DNAI3: variants seen among roughly 807,000 people sequenced by gnomAD.
DNAI3 encodes dynein axonemal intermediate chain 3.
A neutral mutation model predicts 115.5 loss-of-function variants in DNAI3; 83 were observed. That is an observed-to-expected ratio of 0.72 (90% confidence interval 0.60 to 0.86). The LOEUF is 0.86. Ranked by LOEUF, DNAI3 falls within the 40% of genes least tolerant of loss-of-function variation. The probability of loss-of-function intolerance (pLI) is 0.00; values close to 1 mark genes in which losing one functional copy is unlikely to be tolerated. For missense variants in DNAI3, 1,004 were observed against 1,075.8 expected (o/e 0.93, Z 0.93); for synonymous variants, 320 against 347.0 (o/e 0.92, Z 0.86).
chr1:85,126,586 G>A lies in DNAI3; in HGVS notation c.2188G>A (p.Val730Ile). ...SGHWSLTRPG[V>I]FYIGREDGYI... Reference sequence around the variant, plus strand: ...CCACTGGTCCCTGACTCGGCCCGGAGTTTTCTACATCGGCCGAGAAGATGG... The same window carrying A: ...CCACTGGTCCCTGACTCGGCCCGGAATTTTCTACATCGGCCGAGAAGATGG... The change falls in exon 20 of 23, where the codon GTT becomes ATT. Residue 730 changes from valine to isoleucine, a missense_variant. Val to Ile is a conservative substitution (Grantham distance 29, BLOSUM62 3). This residue lies in a region of DNAI3 where 429 missense variants were observed against 454.3 expected (regional missense o/e 0.94). Coordinates refer to ENST00000294664, the MANE Select transcript of DNAI3 (RefSeq NM_145172.5). 2 of 1,614,138 alleles carry A rather than the reference G, an allele frequency of 1.2e-6. No homozygotes were observed. Among genetic ancestry groups the A allele is most frequent in the Non-Finnish European group, 1.7e-6 (2 of 1,180,002 alleles).
intron 16 of DNAI3, among the ~76,000 whole-genome samples, chr1:85,113,151 T>C (rs1655707413): frequency 6.6e-6 from 1 of 152,238 alleles, no homozygotes; most frequent in South Asian, 2.1e-4. Flanking sequence ...TGATATGTGA[T>C]TTTTAAATAT....
intron 13 of DNAI3, among the ~76,000 whole-genome samples, chr1:85,101,087 C>T (rs1459171945): frequency 2.6e-5 from 4 of 151,006 alleles, no homozygotes; most frequent in Non-Finnish European, 4.4e-5. Flanking sequence ...CAAACCTGCA[C>T]ATTGTGCACA....
chr1:85,107,425 G>A (rs1183267265), intron 14 of DNAI3, among the ~76,000 whole-genome samples: 2 of 152,180 alleles, frequency 1.3e-5, no homozygotes, highest in African/African-American at 2.4e-5. Context: ...GTCCTGATAC[G>A]TGCCAGCCAC....
chr1:85,121,667 A>T, intron 17 of DNAI3, 84 bp from the exon 18 acceptor site: 1 of 1,274,156 alleles, frequency 7.8e-7, no homozygotes, highest in Non-Finnish European at 1.1e-6. Context: ...TGTTTTGCTT[A>T]ACAGTCAATC....
chr1:85,102,389 G>A (rs1655354523), intron 13 of DNAI3, among the ~76,000 whole-genome samples: 1 of 151,780 alleles, frequency 6.6e-6, no homozygotes, highest in South Asian at 2.1e-4. Flanking sequence ...CAAAATGGAG[G>A]AAAATATTTG....
At chr1:85,097,319 G>A (rs377715095) in intron 11 of DNAI3, among the ~76,000 whole-genome samples, 6 of 152,136 alleles carry the variant, frequency 3.9e-5, no homozygotes, top group Admixed American at 2.0e-4. Flanking sequence ...ATTTATTTTG[G>A]ATTTTTTAAA....
chr1:85,110,275 C>A (rs879206697), intron 16 of DNAI3, 140 bp downstream of exon 16: 8 of 647,400 alleles, frequency 1.2e-5, no homozygotes, highest in Admixed American at 9.3e-5. Context: ...CACGGTGAAA[C>A]CCCGTCTCTA....
chr1:85,078,260 A>G (rs892871787), intron 3 of DNAI3, among the ~76,000 whole-genome samples: 1 of 152,222 alleles, frequency 6.6e-6, no homozygotes, highest in Non-Finnish European at 1.5e-5. Flanking sequence ...CATGTTATTG[A>G]ACTCTGTGGT....
chr1:85,086,478 C>T (rs778788584), intron 7 of DNAI3, among the ~76,000 whole-genome samples: 84 of 152,236 alleles, frequency 5.5e-4, no homozygotes, highest in Non-Finnish European at 9.4e-4. Context: ...GGTTCTCCTT[C>T]CTCTATGACG....
At chr1:85,103,131 T>A (rs1295424574) in intron 13 of DNAI3, among the ~76,000 whole-genome samples, 1 of 152,188 alleles carries the variant, frequency 6.6e-6, no homozygotes, top group African/African-American at 2.4e-5. Context: ...TTCACCTAAC[T>A]TCATTTGCTG....
At chr1:85,098,770 C>A in intron 13 of DNAI3, 112 bp downstream of exon 13, 1 of 1,479,230 alleles carries the variant, frequency 6.8e-7, no homozygotes, top group Non-Finnish European at 9.2e-7. Context: ...TGTGAAATAA[C>A]CAGGAACTAA....
intron 20 of DNAI3, 37 bp from the exon 21 acceptor site, chr1:85,128,671 G>A (rs1656220861): frequency 6.5e-7 from 1 of 1,544,470 alleles, no homozygotes; most frequent in East Asian, 2.2e-5. Flanking sequence ...TTTTCTGTTT[G>A]CTGATTTTTT....
Position 85,093,596 on chromosome 1 carries a change from T to C in DNAI3, c.996T>C (p.His332=). Residue 332 remains histidine, a synonymous_variant, in exon 9 of 23, where the codon CAT becomes CAC. Transcript: ENST00000294664. ...AGTACCAGTCCTTTACCGACCTTCA[T>C]AGCCCAACGGAGAAAATGATTACCT... ...LKEYQSFTDL[H]SPTEKMITCV... 3 of 1,614,196 alleles carry C rather than the reference T, an allele frequency of 1.9e-6. No individual in the cohort carries two copies. Among genetic ancestry groups the C allele is most frequent in the Non-Finnish European group, 2.5e-6 (3 of 1,180,030 alleles).
Position 85,084,604 on chromosome 1 carries a change from A to C in DNAI3, c.449A>C (p.Tyr150Ser). 2 of 1,574,152 alleles carry C rather than the reference A, an allele frequency of 1.3e-6. No individual in the cohort carries two copies. The highest frequency in any genetic ancestry group is 1.7e-6 in the Non-Finnish European group (2 of 1,162,068). The change falls in exon 6 of 23, where the codon TAT becomes TCT. Residue 150 changes from tyrosine to serine, a missense_variant. Tyr to Ser is a moderately radical substitution (Grantham distance 144). Transcript: ENST00000294664. The part of the protein sequence containing the change: ...EYKEHIPEDV[Y>S]IYKPPVSKPW... Reference sequence around the variant, plus strand: ...AAAGAACATATTCCTGAAGATGTGTATATTTATAAACCACCTGTCTCTAAA... The same window carrying C: ...AAAGAACATATTCCTGAAGATGTGTCTATTTATAAACCACCTGTCTCTAAA...
At chr1:85,096,793 C>G (rs1655138328) in intron 11 of DNAI3, among the ~76,000 whole-genome samples, 3 of 151,928 alleles carry the variant, frequency 2.0e-5, no homozygotes, top group Non-Finnish European at 2.9e-5. Context: ...TTATCCAGAA[C>G]CAAAATAACC....
At chr1:85,081,501 C>T (rs1259494363) in intron 4 of DNAI3, 86 bp downstream of exon 4, 1 of 1,308,868 alleles carries the variant, frequency 7.6e-7, no homozygotes, top group African/African-American at 1.5e-5. Flanking sequence ...GTTGTTGGTT[C>T]AAATCTGGCC....
intron 1 of DNAI3, among the ~76,000 whole-genome samples, chr1:85,070,797 A>C (rs1333775760): frequency 6.6e-6 from 1 of 152,246 alleles, no homozygotes; most frequent in Admixed American, 6.5e-5. Flanking sequence ...AATTAAAAAC[A>C]CAAGTAAAGT....
At chr1:85,078,153 T>C (rs1304361731) in intron 3 of DNAI3, among the ~76,000 whole-genome samples, 1 of 151,986 alleles carries the variant, frequency 6.6e-6, no homozygotes, top group South Asian at 2.1e-4. Context: ...ATCTTCTGTG[T>C]CCACTCATTA....
chr1:85,132,232 C>A (rs1265873481), intron 22 of DNAI3, among the ~76,000 whole-genome samples: 1 of 152,218 alleles, frequency 6.6e-6, no homozygotes, highest in Admixed American at 6.5e-5. Flanking sequence ...CAATAACTGG[C>A]ACATAGAAAG....
Sources: gnomAD v4.1 joint callset for allele counts (sites outside exome capture counted in the v4.1 genomes callset) on GRCh38, gnomAD v4.1.1 for gene constraint, gnomAD v4.1.1 regional missense constraint, MANE v1.5 for transcripts, NCBI Gene and HGNC (gene_info 2026-07-23, HGNC 2026-07-21) for gene names.